Variants in CCDC171 observed in about 807,000 individuals in gnomAD.
CCDC171 encodes the protein coiled-coil domain-containing protein 171.
In CCDC171, 177 loss-of-function variants were observed where a neutral mutation model predicts 168.2. That is an observed-to-expected ratio of 1.05 (90% CI 0.93 to 1.19). CCDC171 has a LOEUF of 1.19. CCDC171 is among the 50% of genes most tolerant of loss of function. CCDC171 has a pLI of 0.00. For missense variants in CCDC171, 1,991 were observed against 1,539.0 expected (o/e 1.29, Z -4.91); for synonymous variants, 687 against 540.8 (o/e 1.27, Z -3.75).
chr9:16,075,812 A>T, the CCDC171 span, among the ~76,000 whole-genome samples: 1 of 152,334 alleles, frequency 6.6e-6, no homozygotes, highest in South Asian at 2.1e-4. Flanking sequence ...TCACACAGTC[A>T]ATTTAGTGAG....
chr9:15,605,389 C>T (rs1587354741), intron 6 of CCDC171, among the ~76,000 whole-genome samples: 1 of 151,472 alleles, frequency 6.6e-6, no homozygotes, highest in South Asian at 2.1e-4. Context: ...ATAAAAATGC[C>T]CCTAATTTGG....
intron 16 of CCDC171, among the ~76,000 whole-genome samples, chr9:15,741,284 C>CTCCTTAT (rs1186153652): frequency 6.6e-6 from 1 of 152,172 alleles, no homozygotes; most frequent in Non-Finnish European, 1.5e-5. Context: ...TAAGCAGTCA[C>CTCCTTAT]TCCTTATTCC....
chr9:15,852,842 C>T (rs185835660), intron 23 of CCDC171, among the ~76,000 whole-genome samples: 56 of 151,602 alleles, frequency 3.7e-4, no homozygotes, highest in African/African-American at 1.4e-3. Flanking sequence ...TGTTCTTTTC[C>T]CATTGAATGA....
chr9:15,623,475 G>GCGCGCGCGCGCGCGCGCACACGCGCACA, intron 7 of CCDC171, 62 bp downstream of exon 7: 1 of 293,710 alleles, frequency 3.4e-6, no homozygotes, highest in Non-Finnish European at 6.3e-6. Flanking sequence ...GCGCGCGCGC[G>GCGCGCGCGCGCGCGCGCACACGCGCACA]CACACACACA....
At chr9:16,059,716 T>A (rs202237302) in intron 1 of CCDC171, among the ~76,000 whole-genome samples, 1 of 150,360 alleles carries the variant, frequency 6.7e-6, no homozygotes. Context: ...GGGTTTCACC[T>A]TGTTAGCCAG....
intron 23 of CCDC171, among the ~76,000 whole-genome samples, chr9:15,849,468 AT>A (rs1206805711): frequency 2.0e-5 from 3 of 151,530 alleles, no homozygotes; most frequent in African/African-American, 7.3e-5. Context: ...TTGTTTTCAA[AT>A]TTGATTACTC....
chr9:15,915,191 C>T (rs1196860373), intron 24 of CCDC171, among the ~76,000 whole-genome samples: 1 of 152,094 alleles, frequency 6.6e-6, no homozygotes, highest in Non-Finnish European at 1.5e-5. Context: ...ATAGAGATTG[C>T]ATTGGATCTA....
rs929787375 is a variant in CCDC171, at chr9:15,647,108, C to G, written c.823-10019C>G. Among the ~76,000 whole-genome samples, 3 of 152,198 alleles carry G rather than the reference C, an allele frequency of 2.0e-5. No individual in the cohort carries two copies. In the East Asian group the frequency reaches 5.8e-4, roughly 29 times the overall value. ...CAGGATTAAGAAACTCACTCAAAAC[C>G]GCTCAACTACATGGAAGCTGAACAA... On this transcript the variant is annotated intron_variant, in intron 7 of 25. Transcript: ENST00000380701.
intron 18 of CCDC171, among the ~76,000 whole-genome samples, chr9:15,749,938 A>C (rs2055600844): frequency 6.6e-6 from 1 of 152,142 alleles, no homozygotes; most frequent in Non-Finnish European, 1.5e-5. Context: ...ACACAGATTC[A>C]AAAGCTAGCA....
chr9:15,981,345 G>C (rs1417240875), intron 3 of CCDC171, among the ~76,000 whole-genome samples: 1 of 152,170 alleles, frequency 6.6e-6, no homozygotes, highest in African/African-American at 2.4e-5. Context: ...TGAGAAGGTG[G>C]CTTTCTGTAA....
At chr9:15,787,691 A>G (rs1415863835) in intron 21 of CCDC171, among the ~76,000 whole-genome samples, 10 of 152,310 alleles carry the variant, frequency 6.6e-5, no homozygotes, top group Admixed American at 5.9e-4. Flanking sequence ...AAAAATGTAC[A>G]TGTTATCAAT....
chr9:16,069,486 G>T, the CCDC171 span, among the ~76,000 whole-genome samples: 4 of 152,260 alleles, frequency 2.6e-5, no homozygotes. Context: ...CGAGCCTCTC[G>T]GGGTGAGAAG....
At chr9:15,639,542 C>T (rs995427142) in intron 7 of CCDC171, among the ~76,000 whole-genome samples, 9 of 151,950 alleles carry the variant, frequency 5.9e-5, no homozygotes, top group Admixed American at 4.6e-4. Context: ...CTTCATTAAA[C>T]TCTTTTATAA....
At chr9:15,988,617 A>G (rs1214466144) in intron 3 of CCDC171, among the ~76,000 whole-genome samples, 2 of 152,184 alleles carry the variant, frequency 1.3e-5, no homozygotes, top group African/African-American at 4.8e-5. Context: ...GCATGAGCCA[A>G]CGCAGGGCGA....
Position 15,695,247 on chromosome 9 carries a change from CA to C in CCDC171, c.1229del (p.Gln410ArgfsTer4), listed in dbSNP as rs1473416314. The C allele has an allele frequency of 6.8e-6, 11 of 1,612,944 alleles. No homozygotes were observed. Among genetic ancestry groups the C allele is most frequent in the Non-Finnish European group, 9.3e-6 (11 of 1,179,124 alleles). Reference sequence around the variant, plus strand: ...TCTTAATTAAAAGGCTAAGAAGCACCAGGCCTTCCTAGTAGAGACATGTGAA... The same window carrying C: ...TCTTAATTAAAAGGCTAAGAAGCACCGGCCTTCCTAGTAGAGACATGTGAA... ...QEELVMAKKHQAFLVETCENN... is the reference protein window; with the variant it reads ...QEELVMAKKHXAFLVETCENN... On this transcript the variant is annotated frameshift_variant, in exon 11 of 26. Transcript: ENST00000380701. LOFTEE classifies it high-confidence loss of function.
intron 24 of CCDC171, among the ~76,000 whole-genome samples, chr9:15,915,985 T>G (rs974039236): frequency 5.3e-5 from 8 of 152,174 alleles, no homozygotes; most frequent in Non-Finnish European, 1.2e-4. Flanking sequence ...GTGTATTATC[T>G]TTTTGATGTG....
chr9:15,708,972 T>C (rs2052452542), intron 11 of CCDC171, among the ~76,000 whole-genome samples: 3 of 152,118 alleles, frequency 2.0e-5, no homozygotes, highest in Admixed American at 2.0e-4. Flanking sequence ...TTTTTTTTCA[T>C]TTAAAAATTA....
chr9:15,931,429 T>C (rs1470026855), intron 25 of CCDC171, among the ~76,000 whole-genome samples: 1 of 150,362 alleles, frequency 6.7e-6, no homozygotes, highest in Non-Finnish European at 1.5e-5. Context: ...TATTTTTAAA[T>C]TGGGGTCTTT....
chr9:15,930,305 A>G lies in CCDC171; in HGVS notation c.3753+9883A>G, dbSNP rs1826358202. 2.0e-5 allele frequency among the ~76,000 whole-genome samples: 3 copies of G among 151,690 alleles called. No individual in the cohort carries two copies. In the South Asian group the frequency reaches 6.2e-4, roughly 31 times the overall value. Reference sequence around the variant, plus strand: ...TATTATTCTGTATTAGCACTTAATGAAAATGAGTAGAATAATTTACATATT... The same window carrying G: ...TATTATTCTGTATTAGCACTTAATGGAAATGAGTAGAATAATTTACATATT... On this transcript the variant is annotated intron_variant, in intron 25 of 25. Transcript: ENST00000380701.
Sources: allele counts gnomAD v4.1 joint callset (sites outside exome capture counted in the v4.1 genomes callset), GRCh38; gene constraint gnomAD v4.1.1; transcripts MANE v1.5; gene names NCBI Gene and HGNC (gene_info 2026-07-23, HGNC 2026-07-21).